UMODL1: variants seen among roughly 807,000 people sequenced by gnomAD.
UMODL1 encodes uromodulin like 1.
UMODL1 carries 128 observed loss-of-function variants against 136.3 expected under a neutral mutation model. The ratio of observed to expected loss-of-function variants is 0.94; its 90% confidence interval spans 0.81 to 1.09. UMODL1 has a LOEUF of 1.09. Among genes scored for constraint, UMODL1 ranks in the 50% least tolerant of loss-of-function variants. The probability of loss-of-function intolerance (pLI) is 0.00; values close to 1 mark genes in which losing one functional copy is unlikely to be tolerated. For synonymous variants in UMODL1, 721 were observed against 720.0 expected (o/e 1.00, Z -0.02); for missense variants, 1,766 against 1,725.6 (o/e 1.02, Z -0.41).
At chr21:42,072,668 C>T (rs561597739) in intron 1 of UMODL1, among the ~76,000 whole-genome samples, 1 of 152,244 alleles carries the variant, frequency 6.6e-6, no homozygotes, top group Non-Finnish European at 1.5e-5. Context: ...CAGGACATGG[C>T]TGTTATTTCA....
At chr21:42,103,187 G>C (rs181934261) in intron 8 of UMODL1, 52 of 189,702 alleles carry the variant, frequency 2.7e-4, no homozygotes, top group African/African-American at 1.2e-3. Flanking sequence ...AGATATTCTG[G>C]AACAAAAGGG....
rs766672653 is a variant in UMODL1, at chr21:42,110,887, G to C, written c.1665G>C (p.Leu555=). ...GTGGATGTGTCTTGGCAGGTGACCT[G>C]GTGAGCCCCATGGGCGGTGGACTGT... ...SRAGRACEGD[L]VSPMGGGLSA... Residue 555 remains leucine, a synonymous_variant, in exon 11 of 23, where the codon CTG becomes CTC. Coordinates refer to ENST00000408910, the MANE Select transcript of UMODL1 (RefSeq NM_001004416.3). 5.6e-6 allele frequency: 9 copies of C among 1,604,180 alleles called. No individual in the cohort carries two copies. The highest frequency in any genetic ancestry group is 7.7e-6 in the Non-Finnish European group (9 of 1,176,168).
At chr21:42,133,404 T>C (rs190153061) in intron 21 of UMODL1, among the ~76,000 whole-genome samples, 1 of 152,348 alleles carries the variant, frequency 6.6e-6, no homozygotes, top group Admixed American at 6.5e-5. Flanking sequence ...CGAGTGCAGA[T>C]CCAGGCTGCT....
intron 17 of UMODL1, among the ~76,000 whole-genome samples, chr21:42,124,950 A>G (rs11910495): frequency 0.43 from 64,980 of 151,946 alleles, 14,943 homozygotes; most frequent in Non-Finnish European, 0.53. Context: ...GGCAGGGTCC[A>G]TGGGAGTTCA....
rs141620270 is a variant in UMODL1, at chr21:42,089,014, T to A, written c.790+534T>A. Among the ~76,000 whole-genome samples the A allele has an allele frequency of 1.1e-4, 16 of 152,212 alleles. No homozygotes were observed. The East Asian group carries it at 2.5e-3, about 24-fold the overall frequency. On this transcript the variant is annotated intron_variant, in intron 5 of 22. Coordinates refer to ENST00000408910, the MANE Select transcript of UMODL1 (RefSeq NM_001004416.3). ...CCTTGTTTCTGGAAGAAATTACCTA[T>A]TCTTTGTTGTTGTTGTTCTATGTCA...
At chr21:42,082,803 T>C (rs2066378051) in intron 2 of UMODL1, among the ~76,000 whole-genome samples, 1 of 152,228 alleles carries the variant, frequency 6.6e-6, no homozygotes, top group East Asian at 1.9e-4. Flanking sequence ...GGGTTCGGTT[T>C]CTTCTCCTTG....
At chr21:42,103,738 C>T (rs1271249170) in intron 8 of UMODL1, 130 bp from the exon 9 acceptor site, 3 of 1,095,574 alleles carry the variant, frequency 2.7e-6, no homozygotes, top group East Asian at 2.5e-5. Flanking sequence ...AGAGGTCGGT[C>T]GTCAGGTGCC....
rs770212936 is a variant in UMODL1 at position 42,102,249 on chromosome 21, C to T, written c.1270C>T (p.Gln424Ter). 1 of 1,613,242 alleles carries T rather than the reference C, an allele frequency of 6.2e-7. No homozygotes were observed. Residue 424 changes from glutamine to a stop codon, truncating the protein, a stop_gained, in exon 8 of 23, where the codon CAG becomes TAG. Transcript: ENST00000408910. LOFTEE classifies it high-confidence loss of function. ...ACTCAACCGCAGCAGTGTGGAGTAC[C>T]AGGACTTTTCTAGACAACTGCTTCA... ...KLLNRSSVEY[Q>*]DFSRQLLHEV...
Position 42,126,385 on chromosome 21 carries a change from A to C in UMODL1, c.3188A>C (p.Asp1063Ala). 6.2e-7 allele frequency: 1 copy of C among 1,614,156 alleles called. No homozygotes were observed. Among genetic ancestry groups the C allele is most frequent in the Non-Finnish European group, 8.5e-7 (1 of 1,180,028 alleles). Residue 1063 changes from aspartate to alanine, a missense_variant, in exon 18 of 23, where the codon GAC becomes GCC. Asp to Ala is a moderately radical substitution (Grantham distance 126, BLOSUM62 -2). Coordinates refer to ENST00000408910, the MANE Select transcript of UMODL1 (RefSeq NM_001004416.3). ...GTGGTGAGGACCACGCTGAGGAACG[A>C]CCTGTCCCAGGAGGGCATCATCCAC... ...NTVVRTTLRN[D>A]LSQEGIIHHL...
chr21:42,124,928 C>T (rs756823613), intron 17 of UMODL1, among the ~76,000 whole-genome samples: 8 of 152,142 alleles, frequency 5.3e-5, no homozygotes, highest in Non-Finnish European at 1.2e-4. Context: ...TGCGGCTGAG[C>T]CCTGGGTGCT....
intron 1 of UMODL1, among the ~76,000 whole-genome samples, chr21:42,073,226 A>G (rs1387569818): frequency 6.6e-6 from 1 of 152,226 alleles, no homozygotes; most frequent in Non-Finnish European, 1.5e-5. Flanking sequence ...TTCTTGGTGC[A>G]GGAAGTCCTC....
intron 21 of UMODL1, among the ~76,000 whole-genome samples, chr21:42,133,027 C>A (rs1433798505): frequency 6.6e-6 from 1 of 152,228 alleles, no homozygotes; most frequent in East Asian, 1.9e-4. Context: ...CGTTCAAGAA[C>A]AAGGACTGTA....
At chr21:42,080,971 C>T (rs1468067973) in intron 2 of UMODL1, among the ~76,000 whole-genome samples, 1 of 152,246 alleles carries the variant, frequency 6.6e-6, no homozygotes, top group Non-Finnish European at 1.5e-5. Flanking sequence ...ATACATAATG[C>T]TGTGATGAAC....
intron 15 of UMODL1, among the ~76,000 whole-genome samples, chr21:42,120,243 G>T (rs931349189): frequency 4.6e-5 from 7 of 152,346 alleles, no homozygotes; most frequent in Admixed American, 3.3e-4. Context: ...GGTGGCAGAA[G>T]GATTTGCTCA....
In UMODL1 at chr21:42,127,612, T is replaced by A. The variant is rs1251717622; in HGVS notation, c.3531-60T>A. On this transcript the variant is annotated intron_variant, in intron 19 of 22. Coordinates refer to ENST00000408910, the MANE Select transcript of UMODL1 (RefSeq NM_001004416.3). ...AGATGTAGTCGTGAGTAAACTCATC[T>A]GAGAACAAGGACAGCGGGGCTCGCT... is the stretch of plus-strand genomic sequence containing the variant. 5 of 1,544,590 alleles carry A rather than the reference T, an allele frequency of 3.2e-6. No individual in the cohort carries two copies. In the East Asian group the frequency reaches 1.1e-4, roughly 35 times the overall value.
intron 9 of UMODL1, among the ~76,000 whole-genome samples, chr21:42,107,420 C>T (rs1197329629): frequency 3.3e-5 from 5 of 152,162 alleles, no homozygotes; most frequent in African/African-American, 9.7e-5. Context: ...CCACCCGCCT[C>T]GCCACTGCGC....
At chr21:42,120,510 GC>G (rs1297714535) in intron 15 of UMODL1, 8 of 152,288 alleles carry the variant, frequency 5.3e-5, no homozygotes, top group Admixed American at 5.2e-4. Flanking sequence ...GATGAGAATA[GC>G]GGTTTGTGGA....
Position 42,085,117 on chromosome 21 carries a change from G to T in UMODL1, c.482-174G>T, listed in dbSNP as rs1047804405. On this transcript the variant is annotated intron_variant, in intron 3 of 22. Transcript: ENST00000408910. This position sits in a 1 kb window ranked among gnomAD's most constrained non-coding sequence, Gnocchi z 4.5. The stretch of plus-strand genomic sequence containing the variant: ...TAGGATGGAGAGGAGCGAGGGGCGG[G>T]CAGTGAGGACATCCCCCGTCTCCTG... Among the ~76,000 whole-genome samples, 4 of 152,074 alleles carry T rather than the reference G, an allele frequency of 2.6e-5. No homozygotes were observed. The highest frequency in any genetic ancestry group is 9.7e-5 in the African/African-American group (4 of 41,378).
intron 22 of UMODL1, among the ~76,000 whole-genome samples, chr21:42,138,861 C>G (rs1490881568): frequency 6.6e-6 from 1 of 152,180 alleles, no homozygotes; most frequent in Non-Finnish European, 1.5e-5. Flanking sequence ...AGGCGTGAGC[C>G]ACCGTGCCCG....
Sources: gnomAD v4.1 joint callset for allele counts (sites outside exome capture counted in the v4.1 genomes callset) on GRCh38, gnomAD v4.1.1 for gene constraint, Gnocchi (gnomAD v3.1) non-coding constraint, MANE v1.5 for transcripts, NCBI Gene and HGNC (gene_info 2026-07-23, HGNC 2026-07-21) for gene names.